ZNF578: variants seen among roughly 807,000 people sequenced by gnomAD.
The protein encoded by ZNF578 is Putative chemokine-related protein B42.
In ZNF578, 8 loss-of-function variants were observed where a neutral mutation model predicts 8.3. The ratio of observed to expected loss-of-function variants is 0.96; its 90% CI spans 0.56 to 1.74. The LOEUF (loss-of-function observed/expected upper bound fraction) is 1.74, where lower values mean the gene tolerates loss of function less well. Among genes scored for constraint, ZNF578 ranks in the 40% most tolerant of loss-of-function variants. The probability of loss-of-function intolerance (pLI) is 0.00; values close to 1 mark genes in which losing one functional copy is unlikely to be tolerated. For missense variants in ZNF578, 726 were observed against 707.5 expected (o/e 1.03, Z -0.30); for synonymous variants, 206 against 232.2 (o/e 0.89, Z 1.03).
chr19:52,462,450 G>A (rs890400194), intron 2 of ZNF578, among the ~76,000 whole-genome samples: 3 of 152,114 alleles, frequency 2.0e-5, no homozygotes, highest in Non-Finnish European at 2.9e-5. Flanking sequence ...AACCTCAACT[G>A]GGGGTTCCAA....
Position 52,510,805 on chromosome 19 carries a change from C to T in ZNF578, c.424C>T (p.His142Tyr). 3.7e-6 allele frequency: 6 copies of T among 1,614,152 alleles called. No individual in the cohort carries two copies. Among genetic ancestry groups the T allele is most frequent in the Non-Finnish European group, 5.1e-6 (6 of 1,180,006 alleles). The change falls in exon 6 of 6, where the codon CAT (histidine) becomes TAT (tyrosine). Residue 142 changes from histidine (H) to tyrosine (Y), a missense_variant. His to Tyr is a moderately conservative substitution (Grantham distance 83). Transcript: ENST00000421239. The stretch of plus-strand genomic sequence containing the variant: ...AGAGTTGATGGGTAGCACAGACCGA[C>T]ATGATCAAAGGCATGCTGGAAACAA... Reference protein sequence around the residue: ...IKELMGSTDRHDQRHAGNKPI... With the variant: ...IKELMGSTDRYDQRHAGNKPI...
chr19:52,509,001 A>T (rs12463002), intron 5 of ZNF578, among the ~76,000 whole-genome samples: 37,843 of 147,828 alleles, frequency 0.26, 5,182 homozygotes, highest in East Asian at 0.48. Context: ...TCCTGGGTTC[A>T]AAAGATTCTT....
chr19:52,504,739 A>G lies in ZNF578; in HGVS notation c.148A>G (p.Arg50Gly). The G allele has an allele frequency of 6.2e-7, 1 of 1,614,148 alleles. No individual in the cohort carries two copies. The highest frequency in any genetic ancestry group is 8.5e-7 in the Non-Finnish European group (1 of 1,180,034). Residue 50 changes from arginine to glycine, a missense_variant, in exon 5 of 6, where the codon AGG becomes GGG. Arg to Gly is a moderately radical substitution (Grantham distance 125, BLOSUM62 -2). Transcript: ENST00000421239. ...GAACCCTGCGCAGAGGGCTTTGTAC[A>G]GGGAAGTGATGTTGGAGAACTACAG... The part of the protein sequence containing the change: ...FLNPAQRALY[R>G]EVMLENYRNL...
intron 3 of ZNF578, among the ~76,000 whole-genome samples, chr19:52,496,993 C>G (rs368357411): frequency 3.3e-5 from 5 of 152,106 alleles, no homozygotes; most frequent in Non-Finnish European, 7.3e-5. Flanking sequence ...AGTGCAGTGG[C>G]AGGATCACAT....
Position 52,513,013 on chromosome 19 carries a change from C to T in ZNF578, c.*859C>T, listed in dbSNP as rs1306531455. ...TGGCCAAGAGATGTGAGCCAGTTTT[C>T]CCAGCCTGTTTATTATTATTTTTTG... On this transcript the variant is annotated 3_prime_UTR_variant, in exon 6 of 6. Coordinates refer to ENST00000421239, the MANE Select transcript of ZNF578 (RefSeq NM_001099694.2). Among the ~76,000 whole-genome samples, 1 of 151,958 alleles carries T rather than the reference C, an allele frequency of 6.6e-6. No individual in the cohort carries two copies. The highest frequency in any genetic ancestry group is 1.5e-5 in the Non-Finnish European group (1 of 67,996).
chr19:52,510,589 A>T lies in ZNF578; in HGVS notation c.208A>T (p.Met70Leu). Residue 70 changes from methionine to leucine, a missense_variant, in exon 6 of 6, where the codon ATG (methionine) becomes TTG (leucine). Transcript: ENST00000421239. Reference protein sequence around the residue: ...LEAVDISSKRMMKEVLSTGQG... With the variant: ...LEAVDISSKRLMKEVLSTGQG... ...TTTTGTAGATATCTCTTCCAAACGC[A>T]TGATGAAGGAGGTCTTGTCAACAGG... 1 of 1,544,048 alleles carries T rather than the reference A, an allele frequency of 6.5e-7. No individual in the cohort carries two copies. Among genetic ancestry groups the T allele is most frequent in the Non-Finnish European group, 8.7e-7 (1 of 1,148,948 alleles).
intron 5 of ZNF578, among the ~76,000 whole-genome samples, chr19:52,509,578 C>G (rs1289980881): frequency 1.3e-5 from 2 of 152,124 alleles, no homozygotes; most frequent in African/African-American, 4.8e-5. Context: ...ACCAGCCTGG[C>G]CAACATGGTG....
intron 3 of ZNF578, among the ~76,000 whole-genome samples, chr19:52,493,217 C>T (rs2059372742): frequency 6.6e-6 from 1 of 152,140 alleles, no homozygotes; most frequent in Non-Finnish European, 1.5e-5. Flanking sequence ...TGGAGCACAG[C>T]GCCCCGGGCC....
At chr19:52,469,335 A>AT (rs2059285077) in intron 2 of ZNF578, among the ~76,000 whole-genome samples, 1 of 151,470 alleles carries the variant, frequency 6.6e-6, no homozygotes, top group South Asian at 2.1e-4. Flanking sequence ...TAATTTTTGC[A>AT]TTTTTTGTAT....
intron 2 of ZNF578, among the ~76,000 whole-genome samples, chr19:52,476,354 G>A (rs1419196801): frequency 6.6e-6 from 1 of 152,150 alleles, no homozygotes; most frequent in Non-Finnish European, 1.5e-5. Context: ...AGTTGAGTTT[G>A]TTTCTCCTGT....
In ZNF578 at chr19:52,511,649, G is replaced by T; in HGVS notation, c.1268G>T (p.Gly423Val). Residue 423 changes from glycine to valine, a missense_variant, in exon 6 of 6, where the codon GGA becomes GTA. Transcript: ENST00000421239. ...HLSRHHRLHT[G>V]EKPYKCNDCG... ...TCACGTCATCATAGACTTCATACTGGAGAGAAACCTTACAAGTGTAATGAC... is the reference window on the plus strand; with the variant it reads ...TCACGTCATCATAGACTTCATACTGTAGAGAAACCTTACAAGTGTAATGAC... 6.2e-7 allele frequency: 1 copy of T among 1,614,056 alleles called. No individual in the cohort carries two copies. Among genetic ancestry groups the T allele is most frequent in the Non-Finnish European group, 8.5e-7 (1 of 1,179,970 alleles).
At chr19:52,501,565 A>G (rs113455575) in intron 3 of ZNF578, among the ~76,000 whole-genome samples, 29,174 of 152,020 alleles carry the variant, frequency 0.19, 3,025 homozygotes, top group Admixed American at 0.23. Flanking sequence ...GCCCTGAAGG[A>G]GAGATCAGTC....
intron 2 of ZNF578, among the ~76,000 whole-genome samples, chr19:52,472,309 T>G (rs559027872): frequency 8.5e-5 from 13 of 152,330 alleles, no homozygotes; most frequent in African/African-American, 3.1e-4. Flanking sequence ...CATTCATACT[T>G]AAGAAAATTT....
At chr19:52,454,193 A>G (rs1384534433) in intron 1 of ZNF578, 2 of 152,246 alleles carry the variant, frequency 1.3e-5, no homozygotes, top group Non-Finnish European at 2.9e-5. Flanking sequence ...GTGCTCTTCC[A>G]GAGGAAAAAC....
chr19:52,484,516 C>T (rs1269656040), intron 2 of ZNF578, among the ~76,000 whole-genome samples: 1 of 152,158 alleles, frequency 6.6e-6, no homozygotes, highest in African/African-American at 2.4e-5. Flanking sequence ...GAGGTCCCTG[C>T]AGACTTCCAC....
At chr19:52,468,781 GAGTCT>G (rs934584679) in intron 2 of ZNF578, among the ~76,000 whole-genome samples, 12 of 152,164 alleles carry the variant, frequency 7.9e-5, no homozygotes, top group African/African-American at 2.9e-4. Flanking sequence ...CTTGCTTGCT[GAGTCT>G]TCTGGTTCTC....
rs1223117870 is a variant in ZNF578, at chr19:52,512,397, T to C, written c.*243T>C. 21 of 1,475,860 alleles carry C rather than the reference T, an allele frequency of 1.4e-5. No homozygotes were observed. In the East Asian group the frequency reaches 4.8e-4, roughly 34 times the overall value. The allele number at this position is 1,475,860 out of a possible 1,614,324, so 91.4% of individuals were successfully genotyped here. On this transcript the variant is annotated 3_prime_UTR_variant, in exon 6 of 6. Coordinates refer to ENST00000421239, the MANE Select transcript of ZNF578 (RefSeq NM_001099694.2). ...GTAACGCTACAACGATTGCAAATCA[T>C]TGGAGAATCCATAATGAAGAGAGAT...
intron 3 of ZNF578, among the ~76,000 whole-genome samples, chr19:52,492,029 G>A (rs770989820): frequency 1.3e-5 from 2 of 151,528 alleles, no homozygotes; most frequent in Non-Finnish European, 2.9e-5. Flanking sequence ...GCTTCGTGGT[G>A]GTCGCCTCAA....
chr19:52,504,273 T>G (rs2059417687), intron 4 of ZNF578, among the ~76,000 whole-genome samples: 1 of 152,076 alleles, frequency 6.6e-6, no homozygotes, highest in Non-Finnish European at 1.5e-5. Flanking sequence ...ATATTTTTAG[T>G]GGAGACAGGT....
Sources: gnomAD v4.1 joint callset for allele counts (sites outside exome capture counted in the v4.1 genomes callset) on GRCh38, gnomAD v4.1.1 for gene constraint, MANE v1.5 for transcripts, NCBI Gene and HGNC (gene_info 2026-07-23, HGNC 2026-07-21) for gene names.